Variants in HS3ST4 observed in about 807,000 individuals in gnomAD.
HS3ST4 encodes heparan sulfate-glucosamine 3-sulfotransferase 4.
A neutral mutation model predicts 29.2 loss-of-function variants in HS3ST4; 17 were observed. The observed-to-expected ratio is 0.58, with a 90% CI of 0.40 to 0.87. HS3ST4 has a LOEUF of 0.87. Ranked by LOEUF, HS3ST4 falls within the 40% of genes least tolerant of loss-of-function variation. The pLI is 0.00. For synonymous variants in HS3ST4, 314 were observed against 285.7 expected (o/e 1.10, Z -1.00); for missense variants, 627 against 634.5 (o/e 0.99, Z 0.13).
intron 1 of HS3ST4, among the ~76,000 whole-genome samples, chr16:25,995,138 A>T (rs1266522985): frequency 6.6e-6 from 1 of 152,208 alleles, no homozygotes; most frequent in Non-Finnish European, 1.5e-5. Flanking sequence ...CCTCTGGCTG[A>T]TAAATGGTCG....
chr16:25,986,590 C>T (rs1250771215), intron 1 of HS3ST4, among the ~76,000 whole-genome samples: 4 of 152,192 alleles, frequency 2.6e-5, no homozygotes, highest in Non-Finnish European at 4.4e-5. Flanking sequence ...TGTTTATGCT[C>T]GCAGTGTCCA....
At chr16:25,795,777 G>A (rs1234689835) in intron 1 of HS3ST4, among the ~76,000 whole-genome samples, 1 of 152,106 alleles carries the variant, frequency 6.6e-6, no homozygotes, top group Non-Finnish European at 1.5e-5. Context: ...TTGAGGGTGA[G>A]TTGCATTCTT....
At chr16:25,999,855 A>ATATATATATTATATATTTTATATATAT (rs1567290783) in intron 1 of HS3ST4, among the ~76,000 whole-genome samples, 1 of 124,864 alleles carries the variant, frequency 8.0e-6, no homozygotes, top group Non-Finnish European at 1.6e-5. Context: ...TATATATATT[A>ATATATATATTATATATTTTATATATAT]TATATATATT....
chr16:25,742,432 G>A (rs779042845), intron 1 of HS3ST4, among the ~76,000 whole-genome samples: 13 of 152,176 alleles, frequency 8.5e-5, no homozygotes, highest in Non-Finnish European at 1.3e-4. Context: ...AGTGATCAGG[G>A]GAATAGACTG....
chr16:26,118,831 A>G (rs1307041427), intron 1 of HS3ST4, among the ~76,000 whole-genome samples: 1 of 152,142 alleles, frequency 6.6e-6, no homozygotes, highest in Non-Finnish European at 1.5e-5. Context: ...GAAACGGGAT[A>G]TGAGGTTGGA....
At chr16:26,050,393 G>T (rs1898327473) in intron 1 of HS3ST4, among the ~76,000 whole-genome samples, 1 of 152,110 alleles carries the variant, frequency 6.6e-6, no homozygotes, top group South Asian at 2.1e-4. Context: ...AGATGAATTA[G>T]TAGGATTGGA....
chr16:25,807,560 T>C (rs1369819975), intron 1 of HS3ST4, among the ~76,000 whole-genome samples: 1 of 152,244 alleles, frequency 6.6e-6, no homozygotes, highest in African/African-American at 2.4e-5. Flanking sequence ...AACATTCATC[T>C]GTTGAAAGAC....
At chr16:25,957,522 A>T (rs926735553) in intron 1 of HS3ST4, among the ~76,000 whole-genome samples, 6 of 152,042 alleles carry the variant, frequency 3.9e-5, no homozygotes, top group African/African-American at 1.4e-4. Context: ...GGTTCAAGCA[A>T]TTCCCCTTCG....
intron 1 of HS3ST4, among the ~76,000 whole-genome samples, chr16:25,771,174 G>A (rs866328335): frequency 9.2e-5 from 14 of 152,186 alleles, no homozygotes; most frequent in Middle Eastern, 6.8e-3. Flanking sequence ...AGTATGTGAT[G>A]TTCCCCTCCC....
At chr16:26,100,390 A>C (rs1417084900) in intron 1 of HS3ST4, among the ~76,000 whole-genome samples, 1 of 152,240 alleles carries the variant, frequency 6.6e-6, no homozygotes. Context: ...CTTCAGGGTC[A>C]CAGAGCAGCA....
intron 1 of HS3ST4, among the ~76,000 whole-genome samples, chr16:25,873,704 C>CCATCCATT (rs1967795544): frequency 6.6e-6 from 1 of 150,474 alleles, no homozygotes; most frequent in African/African-American, 2.4e-5. Context: ...ATCCATCCAT[C>CCATCCATT]CATCTGTCCA....
intron 1 of HS3ST4, among the ~76,000 whole-genome samples, chr16:26,001,914 A>T (rs1422412239): frequency 1.3e-5 from 2 of 152,118 alleles, no homozygotes; most frequent in African/African-American, 4.8e-5. Context: ...AGAAGAAAGG[A>T]TGTATCTGAG....
chr16:25,987,876 T>C (rs1164572740), intron 1 of HS3ST4, among the ~76,000 whole-genome samples: 1 of 152,112 alleles, frequency 6.6e-6, no homozygotes, highest in Non-Finnish European at 1.5e-5. Context: ...GTTCGGGAGA[T>C]TCTTCTGCAT....
chr16:25,781,714 A>G (rs532747511), intron 1 of HS3ST4, among the ~76,000 whole-genome samples: 1 of 152,324 alleles, frequency 6.6e-6, no homozygotes, highest in African/African-American at 2.4e-5. Context: ...CCAGAGCCCA[A>G]GGTTTGGACC....
At chr16:25,856,980 G>C (rs1402637106) in intron 1 of HS3ST4, among the ~76,000 whole-genome samples, 3 of 152,146 alleles carry the variant, frequency 2.0e-5, no homozygotes, top group African/African-American at 7.2e-5. Flanking sequence ...CACATTTGCA[G>C]CCAGCATCCG....
intron 1 of HS3ST4, among the ~76,000 whole-genome samples, chr16:25,923,426 A>G (rs1184277892): frequency 6.6e-6 from 1 of 152,240 alleles, no homozygotes; most frequent in African/African-American, 2.4e-5. Context: ...ACTGCTAAAC[A>G]GAGACTACCC....
intron 1 of HS3ST4, among the ~76,000 whole-genome samples, chr16:25,711,401 GCTAT>G (rs758921090): frequency 1.6e-4 from 24 of 152,010 alleles, no homozygotes; most frequent in Non-Finnish European, 2.8e-4. Context: ...TTCCGCCTGG[GCTAT>G]TTCAAGGCAG....
In HS3ST4 at chr16:25,857,952, CTT is replaced by C. The variant is rs1407214568; in HGVS notation, c.734+164803_734+164804del. Among the ~76,000 whole-genome samples, 480 of 53,904 alleles carry C rather than the reference CTT, an allele frequency of 8.9e-3. 9 individuals carry two copies. Among genetic ancestry groups the C allele is most frequent in the African/African-American group, 0.043 (438 of 10,182 alleles). 35.4% of individuals were successfully genotyped at this position (53,904 alleles called of 152,430 possible). A position where few individuals can be genotyped will look rare whatever the true frequency, so the allele number is the denominator to read the frequency against. On this transcript the variant is annotated intron_variant, in intron 1 of 1. Transcript: ENST00000331351. The stretch of plus-strand genomic sequence containing the variant: ...TCTTTCTTTCTTTCTTTCTTTCTTT[CTT>C]TCTTTCTTTCTTTCTTTCTCTTTTC...
At chr16:25,952,769 G>A (rs769871857) in intron 1 of HS3ST4, among the ~76,000 whole-genome samples, 9 of 152,268 alleles carry the variant, frequency 5.9e-5, no homozygotes, top group African/African-American at 2.2e-4. Flanking sequence ...TGCCAAACCC[G>A]CCTCATACAG....
Sources: allele counts gnomAD v4.1 joint callset (sites outside exome capture counted in the v4.1 genomes callset), GRCh38; gene constraint gnomAD v4.1.1; transcripts MANE v1.5; gene names NCBI Gene and HGNC (gene_info 2026-07-23, HGNC 2026-07-21).